Variants in TBX15 observed in about 807,000 individuals in gnomAD.
TBX15 encodes the protein T-box transcription factor TBX15.
A neutral mutation model predicts 53.9 loss-of-function variants in TBX15; 18 were observed. That is an observed-to-expected ratio of 0.33 (90% CI 0.23 to 0.49). The LOEUF (loss-of-function observed/expected upper bound fraction) is 0.49, where lower values mean the gene tolerates loss of function less well. Among genes scored for constraint, TBX15 ranks in the 20% least tolerant of loss-of-function variants. TBX15 has a pLI of 0.98. For synonymous variants in TBX15, 295 were observed against 278.0 expected, an observed-to-expected ratio of 1.06 and a Z score of -0.61; for missense variants, 692 against 749.5, an observed-to-expected ratio of 0.92 and a Z score of 0.90.
At chr1:118,938,575 G>T (rs932722224) in intron 1 of TBX15, among the ~76,000 whole-genome samples, 1 of 152,164 alleles carries the variant, frequency 6.6e-6, no homozygotes, top group Non-Finnish European at 1.5e-5. Context: ...AAAAGATTCA[G>T]ATTGCTCTCC....
chr1:118,945,789 T>C (rs1221028692), intron 1 of TBX15, among the ~76,000 whole-genome samples: 1 of 152,196 alleles, frequency 6.6e-6, no homozygotes, highest in African/African-American at 2.4e-5. Flanking sequence ...AGTTTAAAGA[T>C]GGCATTTTGA....
chr1:118,964,737 C>T (rs1656988464), intron 1 of TBX15, among the ~76,000 whole-genome samples: 1 of 152,186 alleles, frequency 6.6e-6, no homozygotes, highest in Non-Finnish European at 1.5e-5. Context: ...GGCATATGCA[C>T]TGGGTCAAAT....
At chr1:118,910,751 A>G (rs752207940) in intron 6 of TBX15, among the ~76,000 whole-genome samples, 19 of 152,196 alleles carry the variant, frequency 1.2e-4, no homozygotes, top group Non-Finnish European at 2.1e-4. Flanking sequence ...AATGGCTTCT[A>G]TCTTTAGTAA....
intron 1 of TBX15, among the ~76,000 whole-genome samples, chr1:118,967,725 T>A (rs1657097458): frequency 6.6e-6 from 1 of 152,248 alleles, no homozygotes; most frequent in South Asian, 2.1e-4. Context: ...GAGTTGCAAA[T>A]GTTGAGCATA....
At chr1:118,929,580 T>G (rs140052545) in intron 2 of TBX15, among the ~76,000 whole-genome samples, 30 of 152,330 alleles carry the variant, frequency 2.0e-4, no homozygotes, top group Non-Finnish European at 4.1e-4. Flanking sequence ...GGATTTCAAT[T>G]ATTACTAAAG....
chr1:118,950,294 A>T (rs561815144), intron 1 of TBX15, among the ~76,000 whole-genome samples: 106 of 152,334 alleles, frequency 7.0e-4, no homozygotes, highest in African/African-American at 2.4e-3. Flanking sequence ...TCATTGGGAC[A>T]GGCTCTTGTC....
chr1:118,896,112 C>A (rs1426332964), intron 7 of TBX15, among the ~76,000 whole-genome samples: 1 of 152,132 alleles, frequency 6.6e-6, no homozygotes, highest in African/African-American at 2.4e-5. Flanking sequence ...CCTCGGCTAT[C>A]ATTAGTTTTA....
chr1:118,981,220 C>A (rs960023645), intron 1 of TBX15, among the ~76,000 whole-genome samples: 1 of 151,926 alleles, frequency 6.6e-6, no homozygotes, highest in Non-Finnish European at 1.5e-5. Context: ...AACTGGGATG[C>A]TTTAGAATCG....
intron 1 of TBX15, among the ~76,000 whole-genome samples, chr1:118,959,024 CAGAGAGAGAG>C (rs10563585): frequency 6.9e-5 from 10 of 144,542 alleles, no homozygotes; most frequent in Admixed American, 2.1e-4. Context: ...GGTATAATAT[CAGAGAGAGAG>C]AGAGAGAGAG....
At chr1:118,905,277 A>G (rs1654776935) in intron 6 of TBX15, among the ~76,000 whole-genome samples, 1 of 152,156 alleles carries the variant, frequency 6.6e-6, no homozygotes, top group African/African-American at 2.4e-5. Flanking sequence ...TATCTTGCAG[A>G]TATTTCAGAC....
chr1:118,962,848 A>T (rs1656923477), intron 1 of TBX15, among the ~76,000 whole-genome samples: 1 of 152,254 alleles, frequency 6.6e-6, no homozygotes, highest in Non-Finnish European at 1.5e-5. Context: ...ATTAATTTAG[A>T]AATGGTTATT....
chr1:118,912,194 T>C (rs1305100278), intron 6 of TBX15, among the ~76,000 whole-genome samples: 1 of 152,026 alleles, frequency 6.6e-6, no homozygotes, highest in African/African-American at 2.4e-5. Flanking sequence ...AAGCAAATAC[T>C]AAATGCTATT....
intron 1 of TBX15, among the ~76,000 whole-genome samples, chr1:118,971,002 C>T (rs1480143061): frequency 1.3e-5 from 2 of 152,180 alleles, no homozygotes; most frequent in African/African-American, 2.4e-5. Context: ...AACTTTTTTG[C>T]ACTTCTGTTT....
intron 5 of TBX15, among the ~76,000 whole-genome samples, chr1:118,915,214 T>C (rs1431327772): frequency 6.6e-6 from 1 of 152,186 alleles, no homozygotes; most frequent in African/African-American, 2.4e-5. Context: ...GCACTCCCAA[T>C]GCAAGGTGAT....
chr1:118,922,298 G>A (rs1234553238), intron 5 of TBX15, among the ~76,000 whole-genome samples: 1 of 152,096 alleles, frequency 6.6e-6, no homozygotes, highest in Non-Finnish European at 1.5e-5. Flanking sequence ...ATTCCTTTGA[G>A]AGCCATTGCA....
At chr1:118,988,665 T>C (rs1478394728), upstream of TBX15, among the ~76,000 whole-genome samples, 1 of 152,120 alleles carries the variant, frequency 6.6e-6, no homozygotes. Context: ...AAGTCCAGAG[T>C]CACTTTAGTT....
intron 1 of TBX15, among the ~76,000 whole-genome samples, chr1:118,969,604 A>G (rs1657166428): frequency 6.6e-6 from 1 of 152,182 alleles, no homozygotes. Context: ...CTTTCTAAAG[A>G]GGATACAGAA....
At chr1:118,976,112 T>A (rs926616098) in intron 1 of TBX15, among the ~76,000 whole-genome samples, 1 of 152,182 alleles carries the variant, frequency 6.6e-6, no homozygotes, top group Admixed American at 6.5e-5. Flanking sequence ...TCCAGGCTTC[T>A]GTTTTACAGA....
chr1:118,941,501 T>A (rs1656175028), intron 1 of TBX15, among the ~76,000 whole-genome samples: 1 of 152,178 alleles, frequency 6.6e-6, no homozygotes, highest in South Asian at 2.1e-4. Flanking sequence ...GTTTAAAATC[T>A]ACCCAACTCA....
Sources: gnomAD v4.1 joint callset for allele counts (sites outside exome capture counted in the v4.1 genomes callset) on GRCh38, gnomAD v4.1.1 for gene constraint, MANE v1.5 for transcripts, NCBI Gene and HGNC (gene_info 2026-07-23, HGNC 2026-07-21) for gene names.